BCL7A: variants seen among roughly 807,000 people sequenced by gnomAD.
The protein encoded by BCL7A is BAF chromatin remodeling complex subunit BCL7A, also known as B-cell CLL/lymphoma 7 protein family member A.
In BCL7A, 11 loss-of-function variants were observed where a neutral mutation model predicts 28.4. The ratio of observed to expected loss-of-function variants is 0.39; its 90% CI spans 0.24 to 0.64. BCL7A has a LOEUF of 0.64. Ranked by LOEUF, BCL7A falls within the 30% of genes least tolerant of loss-of-function variation. BCL7A has a pLI of 0.50. For missense variants in BCL7A, 222 were observed against 274.8 expected, an observed-to-expected ratio of 0.81 and a Z score of 1.36; for synonymous variants, 123 against 103.3, an observed-to-expected ratio of 1.19 and a Z score of -1.15.
Position 122,059,202 on chromosome 12 carries a change from G to A in BCL7A, c.*39G>A. The A allele has an allele frequency of 6.4e-7, 1 of 1,562,086 alleles. No homozygotes were observed. Among genetic ancestry groups the A allele is most frequent in the South Asian group, 1.1e-5 (1 of 89,696 alleles). The stretch of plus-strand genomic sequence containing the variant: ...GCCTCCGATCCATGTTCCATGGAAG[G>A]TACATCAGCAATTAATTCTAGAGCA... On this transcript the variant is annotated 3_prime_UTR_variant, in exon 6 of 6. Transcript: ENST00000261822. This position sits in a 1 kb window ranked among gnomAD's most constrained non-coding sequence, Gnocchi z 4.0.
chr12:122,038,710 C>G (rs913487662), intron 3 of BCL7A, among the ~76,000 whole-genome samples: 1 of 152,156 alleles, frequency 6.6e-6, no homozygotes, highest in Non-Finnish European at 1.5e-5. Flanking sequence ...GCCAGGACCC[C>G]ACCTGGGTTC....
chr12:122,045,494 C>T (rs377144017), intron 4 of BCL7A, among the ~76,000 whole-genome samples: 2 of 152,026 alleles, frequency 1.3e-5, no homozygotes, highest in South Asian at 2.1e-4. Flanking sequence ...AAGACGGGAG[C>T]CACTGGGGGC....
At chr12:122,048,516 C>T (rs910779642) in intron 4 of BCL7A, among the ~76,000 whole-genome samples, 5 of 151,862 alleles carry the variant, frequency 3.3e-5, no homozygotes, top group African/African-American at 9.7e-5. Context: ...TTTGGGAGGT[C>T]GAGGTGGGTG....
intron 1 of BCL7A, among the ~76,000 whole-genome samples, chr12:122,022,592 C>T (rs1883490486): frequency 6.9e-6 from 1 of 145,486 alleles, no homozygotes; most frequent in African/African-American, 2.5e-5. Context: ...ATGCCGGCGG[C>T]GGCGGGGAGA....
At chr12:122,047,294 C>T (rs1372424164) in intron 4 of BCL7A, among the ~76,000 whole-genome samples, 7 of 150,416 alleles carry the variant, frequency 4.7e-5, no homozygotes, top group African/African-American at 9.7e-5. Flanking sequence ...GAGGCTGAGG[C>T]GGGCGGATCA....
chr12:122,021,930 A>ATGTGTGTG lies in BCL7A; in HGVS notation c.-141_-134dup, dbSNP rs1054142046. On this transcript the variant is annotated 5_prime_UTR_variant, in exon 1 of 6. It removes the in-frame stop codon of an upstream open reading frame in the 5' UTR. Coordinates refer to ENST00000261822, the MANE Select transcript of BCL7A (RefSeq NM_001024808.3). ...GGCCCCGGGCTTTGTGTGTGTGTGT[A>ATGTGTGTG]TGTGTGTGTGTGTGTGTGTGTGTGT... 52 of 388,174 alleles carry ATGTGTGTG rather than the reference A, an allele frequency of 1.3e-4. No homozygotes were observed. Among genetic ancestry groups the ATGTGTGTG allele is most frequent in the South Asian group, 4.2e-4 (15 of 35,800 alleles). The allele number at this position is 388,174 out of a possible 1,614,324, so 24.0% of individuals were successfully genotyped here. A position where few individuals can be genotyped will look rare whatever the true frequency, so the allele number is the denominator to read the frequency against.
chr12:122,053,175 T>C (rs377067739), intron 4 of BCL7A, among the ~76,000 whole-genome samples: 145 of 152,070 alleles, frequency 9.5e-4, no homozygotes, highest in African/African-American at 3.4e-3. Flanking sequence ...TTTGTATTTT[T>C]AGTAGAGACG....
At chr12:122,054,567 T>A (rs915601149) in intron 4 of BCL7A, among the ~76,000 whole-genome samples, 1 of 152,120 alleles carries the variant, frequency 6.6e-6, no homozygotes, top group Non-Finnish European at 1.5e-5. Flanking sequence ...CCTCAGCAGC[T>A]AAGTGTGCAG....
intron 5 of BCL7A, among the ~76,000 whole-genome samples, chr12:122,058,229 G>T (rs1951891575): frequency 6.6e-6 from 1 of 152,166 alleles, no homozygotes; most frequent in Non-Finnish European, 1.5e-5. Flanking sequence ...GGAAAAGCTG[G>T]TGCGGTGGCT....
At chr12:122,045,451 G>A (rs568322901) in intron 4 of BCL7A, among the ~76,000 whole-genome samples, 15 of 152,214 alleles carry the variant, frequency 9.9e-5, no homozygotes, top group South Asian at 6.2e-4. Context: ...TGGGGGGCTC[G>A]TAAGGCCACT....
chr12:122,034,540 C>T (rs1225817800), intron 2 of BCL7A, among the ~76,000 whole-genome samples: 3 of 151,182 alleles, frequency 2.0e-5, no homozygotes, highest in Non-Finnish European at 4.4e-5. Flanking sequence ...TCGAGACCAG[C>T]CTGGCCAATA....
At chr12:122,053,793 T>C (rs1884248539) in intron 4 of BCL7A, among the ~76,000 whole-genome samples, 2 of 151,530 alleles carry the variant, frequency 1.3e-5, no homozygotes, top group African/African-American at 4.8e-5. Flanking sequence ...GGGTTCATTC[T>C]ACTGGCGATT....
At chr12:122,031,386 G>A (rs1167143905) in intron 2 of BCL7A, among the ~76,000 whole-genome samples, 1 of 152,154 alleles carries the variant, frequency 6.6e-6, no homozygotes. Context: ...GTGTTTTGGG[G>A]CAGGTGTGGT....
In BCL7A at chr12:122,029,873, C is replaced by T. The variant is rs1284338162; in HGVS notation, c.93-827C>T. On this transcript the variant is annotated intron_variant, in intron 1 of 5. Transcript: ENST00000261822. The surrounding 1 kb of genome is among the most constrained non-coding windows in gnomAD (Gnocchi z 4.3). ...AATAATCGGAAAAATGACAGTGGCT[C>T]GGAGCAGAGTGGTGGTGGTGGAGGA... is the stretch of plus-strand genomic sequence containing the variant. 2.0e-5 allele frequency among the ~76,000 whole-genome samples: 3 copies of T among 151,842 alleles called. No homozygotes were observed. Among genetic ancestry groups the T allele is most frequent in the South Asian group, 4.2e-4 (2 of 4,804 alleles).
intron 3 of BCL7A, among the ~76,000 whole-genome samples, chr12:122,036,061 A>C (rs1308594967): frequency 6.6e-6 from 1 of 151,972 alleles, no homozygotes; most frequent in Non-Finnish European, 1.5e-5. Flanking sequence ...GGCTGGTCTC[A>C]AACTCCTCGC....
At chr12:122,035,989 C>T (rs185284255) in intron 3 of BCL7A, among the ~76,000 whole-genome samples, 3 of 152,148 alleles carry the variant, frequency 2.0e-5, no homozygotes, top group Admixed American at 2.0e-4. Context: ...TACAGCCATG[C>T]ACCACCATCC....
At position 122,060,978 on chromosome 12, in the gene BCL7A, G is replaced by A. The variant is rs1262353045; in HGVS notation, c.*1815G>A. On this transcript the variant is annotated 3_prime_UTR_variant, in exon 6 of 6. Transcript: ENST00000261822. ...TTCTGTCTTAAAAAAAAAAATCCTT[G>A]TACTTATCAATTTTGCCCCTTAGGC... 2 of 224,042 alleles carry A rather than the reference G, an allele frequency of 8.9e-6. No homozygotes were observed. Among genetic ancestry groups the A allele is most frequent in the Non-Finnish European group, 1.8e-5 (2 of 112,406 alleles). The allele number at this position is 224,042 out of a possible 1,614,324, so 13.9% of individuals were successfully genotyped here.
At chr12:122,028,083 C>G (rs1883668344) in intron 1 of BCL7A, among the ~76,000 whole-genome samples, 1 of 152,146 alleles carries the variant, frequency 6.6e-6, no homozygotes, top group Admixed American at 6.5e-5. Context: ...TCCATGGCCC[C>G]TCCGGGTGGC....
chr12:122,037,973 T>A (rs550319469), intron 3 of BCL7A, among the ~76,000 whole-genome samples: 1 of 151,256 alleles, frequency 6.6e-6, no homozygotes, highest in Non-Finnish European at 1.5e-5. Context: ...TACAAAAAAT[T>A]AGCTGGGTGT....
Sources: gnomAD v4.1 joint callset for allele counts (sites outside exome capture counted in the v4.1 genomes callset) on GRCh38, gnomAD v4.1.1 for gene constraint, Gnocchi (gnomAD v3.1) non-coding constraint, MANE v1.5 for transcripts, NCBI Gene and HGNC (gene_info 2026-07-23, HGNC 2026-07-21) for gene names.